The following CDH4 variants were observed in gnomAD, a reference collection of about 807,000 sequenced individuals.
CDH4 encodes the protein cadherin-4.
In CDH4, 33 loss-of-function variants were observed where a neutral mutation model predicts 86.0. That is an observed-to-expected ratio of 0.38 (90% CI 0.29 to 0.51). The LOEUF is 0.51. Ranked by LOEUF, CDH4 falls within the 20% of genes least tolerant of loss-of-function variation. The probability of loss-of-function intolerance (pLI) is 0.86; values close to 1 mark genes in which losing one functional copy is unlikely to be tolerated. For synonymous variants in CDH4, 555 were observed against 549.4 expected, an observed-to-expected ratio of 1.01 and a Z score of -0.14; for missense variants, 1,114 against 1,307.4, an observed-to-expected ratio of 0.85 and a Z score of 2.28.
intron 2 of CDH4, among the ~76,000 whole-genome samples, chr20:61,435,323 C>T (rs760376350): frequency 2.0e-5 from 3 of 152,202 alleles, no homozygotes; most frequent in Non-Finnish European, 4.4e-5. Flanking sequence ...GGACAGGCAG[C>T]CACAAGGCAG....
chr20:61,905,267 C>T lies in CDH4; in HGVS notation c.1189-5155C>T, dbSNP rs77066768. Among the ~76,000 whole-genome samples the T allele has an allele frequency of 1.4e-4, 21 of 152,306 alleles. No homozygotes were observed. The East Asian group carries it at 3.9e-3, about 28-fold the overall frequency. ...TAAGAAAATTCTAAACCAGATTTAT[C>T]AGCTAAGGCCTTCTTTGTGAACCTT... On this transcript the variant is annotated intron_variant, in intron 8 of 15. Transcript: ENST00000614565.
intron 2 of CDH4, among the ~76,000 whole-genome samples, chr20:61,567,670 AG>A (rs1311817401): frequency 6.6e-6 from 1 of 152,216 alleles, no homozygotes; most frequent in Non-Finnish European, 1.5e-5. Flanking sequence ...AGCAGGGCAG[AG>A]GGGAAATGAG....
intron 2 of CDH4, among the ~76,000 whole-genome samples, chr20:61,439,279 C>CGTTTCGGTTGT (rs1568845397): frequency 2.0e-5 from 3 of 152,124 alleles, no homozygotes; most frequent in African/African-American, 7.2e-5. Flanking sequence ...CTGCAGTGTG[C>CGTTTCGGTTGT]ATTTCGGTTG....
intron 2 of CDH4, among the ~76,000 whole-genome samples, chr20:61,397,063 C>T (rs546008819): frequency 6.6e-6 from 1 of 152,274 alleles, no homozygotes; most frequent in Non-Finnish European, 1.5e-5. Flanking sequence ...AGGTGCGCCA[C>T]CACACCCGGC....
chr20:61,877,414 T>TTCCACATAAAATGC (rs1226160048), intron 7 of CDH4, among the ~76,000 whole-genome samples: 1 of 132,660 alleles, frequency 7.5e-6, no homozygotes, highest in Non-Finnish European at 1.5e-5. Flanking sequence ...CTGCAAAATG[T>TTCCACATAAAATGC]TCCACATAAA....
At chr20:61,608,536 T>C (rs2086661749) in intron 2 of CDH4, among the ~76,000 whole-genome samples, 1 of 152,224 alleles carries the variant, frequency 6.6e-6, no homozygotes, top group Admixed American at 6.5e-5. Flanking sequence ...CCACTGGGCG[T>C]TAAGGACTGC....
At chr20:61,513,334 C>T (rs1205725623) in intron 2 of CDH4, among the ~76,000 whole-genome samples, 1 of 152,248 alleles carries the variant, frequency 6.6e-6, no homozygotes, top group African/African-American at 2.4e-5. Flanking sequence ...GCCAGCACGA[C>T]TGCGGGGGCT....
At position 61,676,188 on chromosome 20, in the gene CDH4, C is replaced by T. The variant is rs1443135947; in HGVS notation, c.170-67375C>T. On this transcript the variant is annotated intron_variant, in intron 2 of 15. Transcript: ENST00000614565. This position sits in a 1 kb window ranked among gnomAD's most constrained non-coding sequence, Gnocchi z 4.5. ...TGCACGTGCAGAAAATCACATCCTT[C>T]CGTCATTCCCATTAACATTCGCCTG... 6.6e-6 allele frequency among the ~76,000 whole-genome samples: 1 copy of T among 152,202 alleles called. No homozygotes were observed. Among genetic ancestry groups the T allele is most frequent in the Admixed American group, 6.5e-5 (1 of 15,290 alleles).
At chr20:61,315,409 G>A (rs1176344698) in intron 2 of CDH4, among the ~76,000 whole-genome samples, 1 of 152,262 alleles carries the variant, frequency 6.6e-6, no homozygotes, top group African/African-American at 2.4e-5. Context: ...GGGACAGGTG[G>A]GTGCCCTGAT....
At chr20:61,405,861 T>C (rs2085078840) in intron 2 of CDH4, among the ~76,000 whole-genome samples, 1 of 152,300 alleles carries the variant, frequency 6.6e-6, no homozygotes, top group South Asian at 2.1e-4. Context: ...TTTGTATTTT[T>C]AGTAGAGACG....
At chr20:61,672,199 G>A (rs1390476473) in intron 2 of CDH4, among the ~76,000 whole-genome samples, 1 of 151,574 alleles carries the variant, frequency 6.6e-6, no homozygotes. Context: ...ATAATGGATG[G>A]ATGATGGATG....
intron 6 of CDH4, among the ~76,000 whole-genome samples, chr20:61,869,946 T>C (rs1292681040): frequency 6.6e-6 from 1 of 152,076 alleles, no homozygotes; most frequent in African/African-American, 2.4e-5. Flanking sequence ...GTTATCTGAG[T>C]CCTGTGGAGG....
chr20:61,649,068 T>C (rs2087094392), intron 2 of CDH4, among the ~76,000 whole-genome samples: 1 of 152,238 alleles, frequency 6.6e-6, no homozygotes, highest in African/African-American at 2.4e-5. Flanking sequence ...GATTTCATGG[T>C]TTTAGCTCTG....
chr20:61,562,612 A>G (rs1181789556), intron 2 of CDH4, among the ~76,000 whole-genome samples: 2 of 152,214 alleles, frequency 1.3e-5, no homozygotes, highest in African/African-American at 2.4e-5. Context: ...CCCGGCTGCC[A>G]GGCCTGCAGA....
intron 4 of CDH4, among the ~76,000 whole-genome samples, chr20:61,814,558 G>A (rs2146052671): frequency 6.6e-6 from 1 of 152,372 alleles, no homozygotes; most frequent in Non-Finnish European, 1.5e-5. Context: ...CATGTACAGA[G>A]ACAACATTTG....
chr20:61,425,595 A>G (rs1482334318), intron 2 of CDH4, among the ~76,000 whole-genome samples: 1 of 152,244 alleles, frequency 6.6e-6, no homozygotes, highest in Non-Finnish European at 1.5e-5. Flanking sequence ...CACATCCCGC[A>G]GGAGGGGCAG....
chr20:61,428,420 A>G (rs1442615448), intron 2 of CDH4, among the ~76,000 whole-genome samples: 2 of 152,192 alleles, frequency 1.3e-5, no homozygotes, highest in Non-Finnish European at 1.5e-5. Flanking sequence ...GCACCAGAAG[A>G]CAAACACAAG....
chr20:61,331,919 C>T (rs1426074198), intron 2 of CDH4, among the ~76,000 whole-genome samples: 2 of 152,186 alleles, frequency 1.3e-5, no homozygotes, highest in Non-Finnish European at 2.9e-5. Flanking sequence ...GTGTTGAGGG[C>T]ATGAGTAAAC....
intron 2 of CDH4, among the ~76,000 whole-genome samples, chr20:61,735,189 T>G (rs1163267672): frequency 6.6e-6 from 1 of 152,160 alleles, no homozygotes; most frequent in Non-Finnish European, 1.5e-5. Flanking sequence ...AGACTCAGGA[T>G]GCGGTTGGGG....
Sources: allele counts gnomAD v4.1 joint callset (sites outside exome capture counted in the v4.1 genomes callset), GRCh38; gene constraint gnomAD v4.1.1; non-coding constraint Gnocchi (gnomAD v3.1); transcripts MANE v1.5; gene names NCBI Gene and HGNC (gene_info 2026-07-23, HGNC 2026-07-21).